ZNF567: variants seen among roughly 807,000 people sequenced by gnomAD.
ZNF567 encodes the protein zinc finger protein 567.
A neutral mutation model predicts 53.9 loss-of-function variants in ZNF567; 36 were observed. The observed-to-expected ratio is 0.67, with a 90% CI of 0.51 to 0.88. ZNF567 has a LOEUF of 0.88. Among genes scored for constraint, ZNF567 ranks in the 40% least tolerant of loss-of-function variants. ZNF567 has a pLI of 0.00. For synonymous variants in ZNF567, 224 were observed against 260.4 expected (o/e 0.86, Z 1.35); for missense variants, 619 against 764.7 (o/e 0.81, Z 2.25).
At chr19:36,693,750 T>C (rs2038738305) in intron 2 of ZNF567, among the ~76,000 whole-genome samples, 1 of 152,136 alleles carries the variant, frequency 6.6e-6, no homozygotes, top group Non-Finnish European at 1.5e-5. Flanking sequence ...TACTTAGATA[T>C]ATGAAGGACA....
At chr19:36,686,841 C>CA (rs1173841400), upstream of ZNF567, 3 of 152,164 alleles carry the variant, frequency 2.0e-5, no homozygotes, top group Non-Finnish European at 2.9e-5. Flanking sequence ...GCTGGGAACT[C>CA]AGAGATGCAG....
chr19:36,716,215 C>G (rs1305769789), intron 5 of ZNF567, among the ~76,000 whole-genome samples: 1 of 152,000 alleles, frequency 6.6e-6, no homozygotes, highest in African/African-American at 2.4e-5. Context: ...GGAGAAAATT[C>G]TTGATAATTT....
At chr19:36,690,858 C>T (rs1417362119) in intron 2 of ZNF567, among the ~76,000 whole-genome samples, 1 of 152,176 alleles carries the variant, frequency 6.6e-6, no homozygotes, top group African/African-American at 2.4e-5. Context: ...GCCACCTCTG[C>T]AATGTGTAAC....
the ZNF567 span, among the ~76,000 whole-genome samples, chr19:36,677,155 C>CA: frequency 0.3 from 8,245 of 27,908 alleles, 1,325 homozygotes; most frequent in East Asian, 0.49. Context: ...AACTCCGTCT[C>CA]AAAAAAAAAA....
At chr19:36,721,934 G>A (rs1190879753), downstream of ZNF567, among the ~76,000 whole-genome samples, 1 of 151,588 alleles carries the variant, frequency 6.6e-6, no homozygotes, top group Non-Finnish European at 1.5e-5. Flanking sequence ...TAGTAGAGAC[G>A]GGGTTTCACC....
chr19:36,690,099 C>G (rs545925631), intron 2 of ZNF567, among the ~76,000 whole-genome samples: 14 of 152,198 alleles, frequency 9.2e-5, no homozygotes, highest in African/African-American at 3.4e-4. Flanking sequence ...TCTAAGTTTT[C>G]ATCCTATTAA....
chr19:36,680,898 A>G, the ZNF567 span, among the ~76,000 whole-genome samples: 1 of 152,072 alleles, frequency 6.6e-6, no homozygotes, highest in Non-Finnish European at 1.5e-5. Context: ...TTAGGACCCA[A>G]CCCACCCAGA....
At chr19:36,677,352 G>A in the ZNF567 span, among the ~76,000 whole-genome samples, 3 of 150,788 alleles carry the variant, frequency 2.0e-5, no homozygotes, top group South Asian at 2.1e-4. Context: ...CCAGCTACTC[G>A]GGAGGCTGAG....
chr19:36,682,829 A>C (rs1045234998), upstream of ZNF567, among the ~76,000 whole-genome samples: 1 of 151,522 alleles, frequency 6.6e-6, no homozygotes, highest in East Asian at 2.0e-4. Context: ...GGATGGTCTC[A>C]ATCTCCTGAC....
upstream of ZNF567, among the ~76,000 whole-genome samples, chr19:36,682,971 T>G (rs1442301083): frequency 6.6e-6 from 1 of 151,462 alleles, no homozygotes; most frequent in African/African-American, 2.4e-5. Flanking sequence ...CTCTCTCTCT[T>G]TGTGTGTGTG....
chr19:36,704,234 T>C (rs1232884978), intron 3 of ZNF567, among the ~76,000 whole-genome samples: 4 of 151,702 alleles, frequency 2.6e-5, no homozygotes, highest in South Asian at 2.1e-4. Context: ...GAGCCAGGAG[T>C]TCAAGACTGG....
At position 36,712,859 on chromosome 19, in the gene ZNF567, C is replaced by T; in HGVS notation, c.215C>T (p.Thr72Ile). 6.2e-7 allele frequency: 1 copy of T among 1,613,650 alleles called. No individual in the cohort carries two copies. ...EEPWTSFAGHTCLEENWKAED... is the reference protein window; with the variant it reads ...EEPWTSFAGHICLEENWKAED... Reference sequence around the variant, plus strand: ...CCATGGACATCATTTGCAGGTCATACCTGCTTGGGTGAGTTTCTGGCTCTT... The same window carrying T: ...CCATGGACATCATTTGCAGGTCATATCTGCTTGGGTGAGTTTCTGGCTCTT... Residue 72 changes from threonine to isoleucine, a missense_variant, in exon 5 of 6, where the codon ACC (threonine) becomes ATC (isoleucine). Physicochemically the swap from Thr to Ile is moderately conservative, Grantham distance 89. Transcript: ENST00000682579.
At chr19:36,715,234 C>T (rs954515460) in intron 5 of ZNF567, among the ~76,000 whole-genome samples, 1 of 151,730 alleles carries the variant, frequency 6.6e-6, no homozygotes. Flanking sequence ...AGTCTCGGCT[C>T]ACTGCAAACT....
intron 2 of ZNF567, among the ~76,000 whole-genome samples, chr19:36,691,440 A>G (rs768281133): frequency 3.3e-5 from 5 of 151,984 alleles, no homozygotes; most frequent in Non-Finnish European, 7.4e-5. Context: ...TGCTGGGATT[A>G]TAGGTGTGAG....
intron 2 of ZNF567, among the ~76,000 whole-genome samples, chr19:36,694,421 A>G (rs1017301552): frequency 6.6e-6 from 1 of 152,232 alleles, no homozygotes; most frequent in Non-Finnish European, 1.5e-5. Context: ...AAGCATAAAA[A>G]AATTTGTATC....
downstream of ZNF567, among the ~76,000 whole-genome samples, chr19:36,724,683 A>G (rs78999330): frequency 4.4e-4 from 65 of 149,164 alleles, no homozygotes; most frequent in East Asian, 0.011. Context: ...CTTCATCTCA[A>G]AAAAAAAAAA....
the ZNF567 span, among the ~76,000 whole-genome samples, chr19:36,682,379 A>C: frequency 6.6e-6 from 1 of 151,722 alleles, no homozygotes; most frequent in Admixed American, 6.6e-5. Context: ...ACTTAGAAAT[A>C]ATGTTGAGCA....
At chr19:36,697,657 G>C (rs1191936724) in intron 3 of ZNF567, among the ~76,000 whole-genome samples, 4 of 150,428 alleles carry the variant, frequency 2.7e-5, no homozygotes, top group Non-Finnish European at 5.9e-5. Flanking sequence ...CTGTCATCCA[G>C]GCTGGAGTGC....
intron 3 of ZNF567, among the ~76,000 whole-genome samples, chr19:36,698,772 G>T (rs1400655074): frequency 1.2e-4 from 18 of 152,040 alleles, no homozygotes; most frequent in Non-Finnish European, 2.2e-4. Context: ...TGATGGGGTT[G>T]TTTTTTTCTT....
Sources: gnomAD v4.1 joint callset for allele counts (sites outside exome capture counted in the v4.1 genomes callset) on GRCh38, gnomAD v4.1.1 for gene constraint, MANE v1.5 for transcripts, NCBI Gene and HGNC (gene_info 2026-07-23, HGNC 2026-07-21) for gene names.